The following UGT2B17 variants were observed in gnomAD, a reference collection of about 807,000 sequenced individuals.
UGT2B17 encodes UDP glucuronosyltransferase family 2 member B17, also known as UDP-glucuronosyltransferase 2B17.
A neutral mutation model predicts 48.2 loss-of-function variants in UGT2B17; 21 were observed. The ratio of observed to expected loss-of-function variants is 0.44; its 90% CI spans 0.31 to 0.63. The LOEUF (loss-of-function observed/expected upper bound fraction) is 0.63, where lower values mean the gene tolerates loss of function less well. UGT2B17 is among the 20% of genes least tolerant of loss of function. UGT2B17 has a pLI of 0.08. For missense variants in UGT2B17, 402 were observed against 696.1 expected, an observed-to-expected ratio of 0.58 and a Z score of 4.75; for synonymous variants, 146 against 238.4, an observed-to-expected ratio of 0.61 and a Z score of 3.57.
chr4:68,553,793 C>T (rs1437497875), intron 4 of UGT2B17, among the ~76,000 whole-genome samples: 1 of 120,868 alleles, frequency 8.3e-6, no homozygotes, highest in Non-Finnish European at 1.7e-5. Context: ...TTTTTATTCC[C>T]CAAATTAATC....
chr4:68,542,682 C>T (rs1730691743), intron 6 of UGT2B17, among the ~76,000 whole-genome samples: 1 of 127,350 alleles, frequency 7.9e-6, no homozygotes, highest in African/African-American at 2.7e-5. Context: ...TGTGAATTCC[C>T]TTCCCTAGCC....
rs370145019 is a variant in UGT2B17 at position 68,551,935 on chromosome 4, T to C, written c.1006-24A>G. On this transcript the variant is annotated intron_variant, in intron 4 of 6. Coordinates refer to ENST00000317746, the MANE Select transcript of UGT2B17 (RefSeq NM_001077.4). ...ACCTGTTAGGGCAAGGAAAATATCTTGTTCAATGAATAGAACTCTAAAAAT... is the reference window on the plus strand; with the variant it reads ...ACCTGTTAGGGCAAGGAAAATATCTCGTTCAATGAATAGAACTCTAAAAAT... 408 of 1,246,428 alleles carry C rather than the reference T, an allele frequency of 3.3e-4. 104 individuals carry two copies. Among genetic ancestry groups the C allele is most frequent in the Non-Finnish European group, 3.0e-4 (281 of 947,030 alleles). 77.2% of individuals were successfully genotyped at this position (1,246,428 alleles called of 1,614,324 possible).
rs1409713954 is a variant in UGT2B17, at chr4:68,572,240, AG to A, written c.-64-3693del. On this transcript the variant is annotated intron_variant, in intron 1 of 6. Coordinates refer to ENST00000317746, the MANE Select transcript of UGT2B17 (RefSeq NM_001077.4). ...GCTGCTTACTATTAATAGCGGCACA[AG>A]TGTCAAATTTTAAGGTTACATTTTG... is the stretch of plus-strand genomic sequence containing the variant. Among the ~76,000 whole-genome samples the A allele has an allele frequency of 2.4e-5, 3 of 126,152 alleles. 1 individual carries two copies. Among genetic ancestry groups the A allele is most frequent in the African/African-American group, 8.1e-5 (3 of 36,870 alleles). The allele number at this position is 126,152 out of a possible 152,430, so 82.8% of individuals were successfully genotyped here.
chr4:68,564,398 C>T (rs1318634281), intron 3 of UGT2B17, among the ~76,000 whole-genome samples: 1 of 118,696 alleles, frequency 8.4e-6, no homozygotes, highest in Non-Finnish European at 1.7e-5. Flanking sequence ...AAGCGATTCT[C>T]CTGCCTCAGC....
rs1731373991 is a variant in UGT2B17, at chr4:68,576,295, G to T, written c.-409C>A. Among the ~76,000 whole-genome samples the T allele has an allele frequency of 7.9e-6, 1 of 126,112 alleles. No homozygotes were observed. Among genetic ancestry groups the T allele is most frequent in the Non-Finnish European group, 1.7e-5 (1 of 59,516 alleles). 82.7% of individuals were successfully genotyped at this position (126,112 alleles called of 152,430 possible). A position where few individuals can be genotyped will look rare whatever the true frequency, so the allele number is the denominator to read the frequency against. On this transcript the variant is annotated 5_prime_UTR_variant, in exon 1 of 7. Transcript: ENST00000317746. ...GGGCTTTATTCAGCTGGGAACATTGGCAAGATACTGCCTTAAAATCTGAGC... is the reference window on the plus strand; with the variant it reads ...GGGCTTTATTCAGCTGGGAACATTGTCAAGATACTGCCTTAAAATCTGAGC...
At chr4:68,574,370 AC>A (rs2109781615) in intron 1 of UGT2B17, among the ~76,000 whole-genome samples, 1 of 126,782 alleles carries the variant, frequency 7.9e-6, no homozygotes, top group Non-Finnish European at 1.7e-5. Flanking sequence ...AACCTTGTAG[AC>A]ATATTTATCC....
intron 6 of UGT2B17, among the ~76,000 whole-genome samples, chr4:68,539,256 T>C (rs1309910670): frequency 7.9e-6 from 1 of 125,796 alleles, no homozygotes; most frequent in Middle Eastern, 4.0e-3. Context: ...ACTACTTTTA[T>C]CCTCAAAGTA....
chr4:68,564,295 T>TA (rs1482739096), intron 3 of UGT2B17, among the ~76,000 whole-genome samples: 993 of 67,512 alleles, frequency 0.015, 81 homozygotes, highest in African/African-American at 0.11. Flanking sequence ...TATATATATA[T>TA]TTTTTTTTTT....
In UGT2B17 at chr4:68,561,732, T is replaced by C. The variant is rs1731106908; in HGVS notation, c.874-1064A>G. On this transcript the variant is annotated intron_variant, in intron 3 of 6. Coordinates refer to ENST00000317746, the MANE Select transcript of UGT2B17 (RefSeq NM_001077.4). ...ACTTGTGTTTCCTGATGTGTTCCTG[T>C]TTTTAAACTTAAATCCATTCTCTAA... 1.7e-5 allele frequency among the ~76,000 whole-genome samples: 2 copies of C among 121,038 alleles called. 1 individual carries two copies. The highest frequency in any genetic ancestry group is 8.1e-4 in the South Asian group (2 of 2,468). 79.4% of individuals were successfully genotyped at this position (121,038 alleles called of 152,430 possible).
Position 68,565,482 on chromosome 4 carries a change from C to T in UGT2B17, c.873+90G>A. On this transcript the variant is annotated intron_variant, in intron 3 of 6. Transcript: ENST00000317746. ...CTTTTTTTTGACCTCCCATATTCCC[C>T]TCACTCTGAGTTAAACACTCTGAAA... 3.7e-6 allele frequency: 4 copies of T among 1,090,018 alleles called. 1 individual carries two copies. The highest frequency in any genetic ancestry group is 4.8e-6 in the Non-Finnish European group (4 of 840,552). 67.5% of individuals were successfully genotyped at this position (1,090,018 alleles called of 1,614,324 possible). A position where few individuals can be genotyped will look rare whatever the true frequency, so the allele number is the denominator to read the frequency against.
Position 68,569,676 on chromosome 4 carries a change from C to T in UGT2B17, c.-64-1128G>A, listed in dbSNP as rs987290713. ...AAGATAGCAGAAGCAGGAAGAGAGC[C>T]GGCCAGAAGACACCTACCCTGGCTG... On this transcript the variant is annotated intron_variant, in intron 1 of 6. Coordinates refer to ENST00000317746, the MANE Select transcript of UGT2B17 (RefSeq NM_001077.4). Among the ~76,000 whole-genome samples the T allele has an allele frequency of 1.0e-4, 13 of 125,592 alleles. 2 individuals carry two copies. The highest frequency in any genetic ancestry group is 2.5e-4 in the African/African-American group (9 of 36,680). 82.4% of individuals were successfully genotyped at this position (125,592 alleles called of 152,430 possible).
At chr4:68,557,193 G>C (rs1274067842) in intron 4 of UGT2B17, among the ~76,000 whole-genome samples, 1 of 125,162 alleles carries the variant, frequency 8.0e-6, no homozygotes, top group African/African-American at 2.7e-5. Flanking sequence ...GTGTGCCACA[G>C]AGGTAACAAA....
chr4:68,552,619 G>C (rs1399952824), intron 4 of UGT2B17, among the ~76,000 whole-genome samples: 1 of 124,984 alleles, frequency 8.0e-6, no homozygotes, highest in Non-Finnish European at 1.7e-5. Context: ...AGATATTCAG[G>C]GTTCACATTT....
rs2109778783 is a variant in UGT2B17, at chr4:68,569,198, C to G, written c.-64-650G>C. On this transcript the variant is annotated intron_variant, in intron 1 of 6. Coordinates refer to ENST00000317746, the MANE Select transcript of UGT2B17 (RefSeq NM_001077.4). ...TTTAGCTGCAGGTCAACTGCAAGGACAGACCAGCAATTCTGAGAGGATCCA... is the reference window on the plus strand; with the variant it reads ...TTTAGCTGCAGGTCAACTGCAAGGAGAGACCAGCAATTCTGAGAGGATCCA... Among the ~76,000 whole-genome samples the G allele has an allele frequency of 1.6e-5, 2 of 125,634 alleles. 1 individual carries two copies. Among genetic ancestry groups the G allele is most frequent in the East Asian group, 1.5e-3 (2 of 1,370 alleles). 82.4% of individuals were successfully genotyped at this position (125,634 alleles called of 152,430 possible). A position where few individuals can be genotyped will look rare whatever the true frequency, so the allele number is the denominator to read the frequency against.
In UGT2B17 at chr4:68,576,045, G is replaced by A. The variant is rs189637095; in HGVS notation, c.-159C>T. On this transcript the variant is annotated 5_prime_UTR_variant, in exon 1 of 7. Transcript: ENST00000317746. ...CGGGGGCCTGCTACGTGTTGATCTG[G>A]TGAGGTGTTCCACTGGGGCAATTTC... Among the ~76,000 whole-genome samples, 4 of 125,726 alleles carry A rather than the reference G, an allele frequency of 3.2e-5. 1 individual carries two copies. In the Admixed American group the frequency reaches 3.2e-4, roughly 10 times the overall value. 82.5% of individuals were successfully genotyped at this position (125,726 alleles called of 152,430 possible). A position where few individuals can be genotyped will look rare whatever the true frequency, so the allele number is the denominator to read the frequency against.
Position 68,576,234 on chromosome 4 carries a change from A to T in UGT2B17, c.-348T>A, listed in dbSNP as rs1731373148. Among the ~76,000 whole-genome samples, 1 of 126,112 alleles carries T rather than the reference A, an allele frequency of 7.9e-6. No individual in the cohort carries two copies. Among genetic ancestry groups the T allele is most frequent in the African/African-American group, 2.7e-5 (1 of 36,734 alleles). The allele number at this position is 126,112 out of a possible 152,430, so 82.7% of individuals were successfully genotyped here. ...CAAGAAATGTAGCAGGACGAGCCAC[A>T]GACAAAACCTCTCAGACATCGAGTT... On this transcript the variant is annotated 5_prime_UTR_variant, in exon 1 of 7. Coordinates refer to ENST00000317746, the MANE Select transcript of UGT2B17 (RefSeq NM_001077.4).
intron 6 of UGT2B17, among the ~76,000 whole-genome samples, chr4:68,549,837 T>C (rs7436962): frequency 0.48 from 60,296 of 124,676 alleles, 23,559 homozygotes; most frequent in Middle Eastern, 0.75. Flanking sequence ...ACAGAAAATA[T>C]GTATAACAAT....
In UGT2B17 at chr4:68,551,860, G is replaced by A. The variant is rs1730919849; in HGVS notation, c.1057C>T (p.Arg353Ter). ...TTCTGGGGTAACCACTTATACAGTC[G>A]AGTATTGGAACCTAAAGTATTTGGC... Reference protein sequence around the residue: ...KKPNTLGSNTRLYKWLPQNDL... With the variant: ...KKPNTLGSNT Residue 353 changes from arginine to a stop codon, truncating the protein, a stop_gained, in exon 5 of 7, where the codon CGA (arginine) becomes TGA (stop). Coordinates refer to ENST00000317746, the MANE Select transcript of UGT2B17 (RefSeq NM_001077.4). LOFTEE classifies it high-confidence loss of function. 2 of 1,365,306 alleles carry A rather than the reference G, an allele frequency of 1.5e-6. 1 individual carries two copies. Among genetic ancestry groups the A allele is most frequent in the Non-Finnish European group, 1.9e-6 (2 of 1,046,300 alleles). The allele number at this position is 1,365,306 out of a possible 1,614,324, so 84.6% of individuals were successfully genotyped here.
chr4:68,576,254 C>T lies in UGT2B17; in HGVS notation c.-368G>A, dbSNP rs1298306437. On this transcript the variant is annotated 5_prime_UTR_variant, in exon 1 of 7. Coordinates refer to ENST00000317746, the MANE Select transcript of UGT2B17 (RefSeq NM_001077.4). The stretch of plus-strand genomic sequence containing the variant: ...GCCACAGACAAAACCTCTCAGACAT[C>T]GAGTTGTAGAAGGAAGGGCTTTATT... Among the ~76,000 whole-genome samples the T allele has an allele frequency of 4.8e-5, 6 of 125,786 alleles. 1 individual carries two copies. Among genetic ancestry groups the T allele is most frequent in the African/African-American group, 8.2e-5 (3 of 36,688 alleles). 82.5% of individuals were successfully genotyped at this position (125,786 alleles called of 152,430 possible). A position where few individuals can be genotyped will look rare whatever the true frequency, so the allele number is the denominator to read the frequency against.
Sources: allele counts gnomAD v4.1 joint callset (sites outside exome capture counted in the v4.1 genomes callset), GRCh38; gene constraint gnomAD v4.1.1; transcripts MANE v1.5; gene names NCBI Gene and HGNC (gene_info 2026-07-23, HGNC 2026-07-21).